GRB14: variants seen among roughly 807,000 people sequenced by gnomAD.
The protein encoded by GRB14 is growth factor receptor bound protein 14.
In GRB14, 38 loss-of-function variants were observed where a neutral mutation model predicts 69.1. The ratio of observed to expected loss-of-function variants is 0.55; its 90% CI spans 0.42 to 0.72. GRB14 has a LOEUF of 0.72. Ranked by LOEUF, GRB14 falls within the 30% of genes least tolerant of loss-of-function variation. The pLI, the probability that GRB14 is intolerant of heterozygous loss-of-function variation, is 0.00. For synonymous variants in GRB14, 247 were observed against 241.3 expected (o/e 1.02, Z -0.22); for missense variants, 666 against 666.1 (o/e 1.00, Z 0.00).
At chr2:164,539,647 T>A (rs2105302365) in intron 3 of GRB14, 1 of 152,280 alleles carries the variant, frequency 6.6e-6, no homozygotes, top group East Asian at 1.9e-4. Flanking sequence ...TAGTAGCATA[T>A]GTATTCACAA....
chr2:164,532,440 C>A (rs945417577), intron 3 of GRB14, among the ~76,000 whole-genome samples: 1 of 152,088 alleles, frequency 6.6e-6, no homozygotes, highest in Non-Finnish European at 1.5e-5. Flanking sequence ...ATCTCTAGAA[C>A]CTGTAAATGT....
chr2:164,525,203 T>C, intron 4 of GRB14, 125 bp from the exon 5 acceptor site: 2 of 715,442 alleles, frequency 2.8e-6, no homozygotes, highest in South Asian at 1.6e-5. Flanking sequence ...CCAAAAGTGC[T>C]TTTGAAAATG....
intron 3 of GRB14, among the ~76,000 whole-genome samples, chr2:164,533,226 T>C: frequency 1.3e-5 from 1 of 75,802 alleles, no homozygotes; most frequent in African/African-American, 7.6e-5. Context: ...TTCCAATTCT[T>C]TTTTTTTTTT....
chr2:164,511,087 G>A (rs1370681296), intron 6 of GRB14, among the ~76,000 whole-genome samples: 5 of 152,108 alleles, frequency 3.3e-5, no homozygotes, highest in Non-Finnish European at 7.4e-5. Flanking sequence ...GAGGGGAACC[G>A]CCCATCCCAG....
chr2:164,525,022 G>C lies in GRB14; in HGVS notation c.660C>G (p.Ser220=), dbSNP rs1166179844. 3 of 1,581,440 alleles carry C rather than the reference G, an allele frequency of 1.9e-6. No individual in the cohort carries two copies. The African/African-American group carries it at 4.1e-5, about 22-fold the overall frequency. The part of the protein sequence containing the change: ...SFATETNGEI[S]PTQILQMFLS... ...ATTTTACCTGCAAAATCTGTGTGGG[G>C]GATATTTCACCATTGGTTTCAGTTG... is the stretch of plus-strand genomic sequence containing the variant. The change falls in exon 5 of 14, where the codon TCC becomes TCG. Residue 220 remains serine (S), a synonymous_variant. Transcript: ENST00000263915.
chr2:164,508,886 T>C (rs778889737), intron 6 of GRB14, 34 bp from the exon 7 acceptor site: 109 of 1,391,638 alleles, frequency 7.8e-5, no homozygotes, highest in Non-Finnish European at 1.0e-4. Flanking sequence ...GGATACATAT[T>C]TTTGCATTAT....
At chr2:164,557,453 A>C (rs112733304) in intron 2 of GRB14, among the ~76,000 whole-genome samples, 3 of 152,248 alleles carry the variant, frequency 2.0e-5, no homozygotes, top group African/African-American at 7.2e-5. Context: ...AATAAAAATG[A>C]CAGTTTTACA....
At chr2:164,578,793 C>T (rs1689318910) in intron 2 of GRB14, among the ~76,000 whole-genome samples, 1 of 152,016 alleles carries the variant, frequency 6.6e-6, no homozygotes, top group African/African-American at 2.4e-5. Context: ...GAAGCCATGC[C>T]CTTGACATAG....
intron 2 of GRB14, among the ~76,000 whole-genome samples, chr2:164,611,091 G>C (rs986256021): frequency 6.6e-6 from 1 of 152,122 alleles, no homozygotes; most frequent in Non-Finnish European, 1.5e-5. Flanking sequence ...ACTGTGGCTG[G>C]AGTCTAATGA....
intron 2 of GRB14, among the ~76,000 whole-genome samples, chr2:164,606,300 A>C (rs753201367): frequency 6.6e-6 from 1 of 152,128 alleles, no homozygotes; most frequent in South Asian, 2.1e-4. Context: ...ATTTGCCACG[A>C]CACAATACCC....
intron 3 of GRB14, among the ~76,000 whole-genome samples, chr2:164,537,056 G>A (rs1049739841): frequency 2.0e-5 from 3 of 152,074 alleles, no homozygotes; most frequent in Non-Finnish European, 2.9e-5. Context: ...AGCAGTTTGC[G>A]CCATGCAGTC....
chr2:164,582,900 C>T (rs994233651), intron 2 of GRB14, among the ~76,000 whole-genome samples: 3 of 152,136 alleles, frequency 2.0e-5, no homozygotes, highest in African/African-American at 7.2e-5. Context: ...TGTCTTGAGT[C>T]CTTGAACACA....
intron 2 of GRB14, among the ~76,000 whole-genome samples, chr2:164,567,911 T>C (rs1010637542): frequency 4.6e-5 from 7 of 152,164 alleles, no homozygotes; most frequent in Non-Finnish European, 1.0e-4. Context: ...AAGAGATTGA[T>C]ATATTATGAA....
chr2:164,548,220 T>G (rs550279287), intron 2 of GRB14, among the ~76,000 whole-genome samples: 12 of 152,324 alleles, frequency 7.9e-5, no homozygotes, highest in South Asian at 4.1e-4. Flanking sequence ...ATATTTGACT[T>G]ATTTTTAGAC....
At chr2:164,565,802 A>T (rs914655251) in intron 2 of GRB14, among the ~76,000 whole-genome samples, 8 of 152,206 alleles carry the variant, frequency 5.3e-5, no homozygotes, top group African/African-American at 1.9e-4. Context: ...TTTACTTGAT[A>T]GAGAATCTAC....
intron 2 of GRB14, among the ~76,000 whole-genome samples, chr2:164,614,089 A>G (rs1317120974): frequency 6.6e-5 from 10 of 152,226 alleles, no homozygotes; most frequent in Admixed American, 6.5e-4. Context: ...TTTAATGACC[A>G]CACTTTGAGA....
At chr2:164,605,394 G>T (rs540216091) in intron 2 of GRB14, among the ~76,000 whole-genome samples, 1 of 152,316 alleles carries the variant, frequency 6.6e-6, no homozygotes, top group East Asian at 1.9e-4. Context: ...TGCTGAGTTT[G>T]AGATGTCTAT....
At chr2:164,616,425 C>CAAAAAAAAAAAA (rs34263597) in intron 2 of GRB14, among the ~76,000 whole-genome samples, 1 of 66,628 alleles carries the variant, frequency 1.5e-5, no homozygotes, top group Non-Finnish European at 2.6e-5. Flanking sequence ...GACTCCGTCT[C>CAAAAAAAAAAAA]AAAAAAAAAA....
intron 3 of GRB14, among the ~76,000 whole-genome samples, chr2:164,541,520 C>G (rs1688239711): frequency 1.3e-5 from 2 of 151,526 alleles, no homozygotes; most frequent in Non-Finnish European, 2.9e-5. Context: ...GAGGCTGAGG[C>G]TGGAGGATTG....
Sources: gnomAD v4.1 joint callset for allele counts (sites outside exome capture counted in the v4.1 genomes callset) on GRCh38, gnomAD v4.1.1 for gene constraint, MANE v1.5 for transcripts, NCBI Gene and HGNC (gene_info 2026-07-23, HGNC 2026-07-21) for gene names.